MCOLN2: variants seen among roughly 807,000 people sequenced by gnomAD.
The protein encoded by MCOLN2 is mucolipin TRP cation channel 2, also known as mucolipin-2.
A neutral mutation model predicts 67.5 loss-of-function variants in MCOLN2; 57 were observed. The ratio of observed to expected loss-of-function variants is 0.84; its 90% CI spans 0.68 to 1.05. The LOEUF (loss-of-function observed/expected upper bound fraction) is 1.05, where lower values mean the gene tolerates loss of function less well. MCOLN2 is among the 50% of genes least tolerant of loss of function. MCOLN2 has a pLI of 0.00. For missense variants in MCOLN2, 620 were observed against 678.8 expected (o/e 0.91, Z 0.96); for synonymous variants, 246 against 233.3 (o/e 1.05, Z -0.50).
intron 7 of MCOLN2, among the ~76,000 whole-genome samples, chr1:84,942,602 G>C (rs190133603): frequency 6.6e-6 from 1 of 152,292 alleles, no homozygotes; most frequent in African/African-American, 2.4e-5. Context: ...CCCATCAAGT[G>C]ACAGGCTCTC....
At chr1:84,983,804 G>T (rs1381687961) in intron 1 of MCOLN2, among the ~76,000 whole-genome samples, 1 of 151,270 alleles carries the variant, frequency 6.6e-6, no homozygotes, top group Non-Finnish European at 1.5e-5. Context: ...AGCCTCCCGA[G>T]TAGCTGGGAT....
chr1:84,938,495 ACAG>A (rs1647565326), intron 9 of MCOLN2, among the ~76,000 whole-genome samples: 12 of 152,210 alleles, frequency 7.9e-5, no homozygotes, highest in Admixed American at 7.9e-4. Flanking sequence ...ATTTCCTAAC[ACAG>A]CTGCAGCTCT....
chr1:84,977,708 T>C (rs1424318567), intron 1 of MCOLN2, among the ~76,000 whole-genome samples: 2 of 152,168 alleles, frequency 1.3e-5, no homozygotes, highest in Non-Finnish European at 2.9e-5. Flanking sequence ...TAAATATATA[T>C]GTACCCAACA....
At chr1:84,930,076 A>G (rs751736895) in intron 12 of MCOLN2, among the ~76,000 whole-genome samples, 2 of 152,140 alleles carry the variant, frequency 1.3e-5, no homozygotes, top group Non-Finnish European at 2.9e-5. Context: ...TGGCCTGGGC[A>G]AGATGGTGAG....
intron 7 of MCOLN2, among the ~76,000 whole-genome samples, chr1:84,945,179 G>A (rs1209727782): frequency 6.6e-6 from 1 of 152,156 alleles, no homozygotes; most frequent in Admixed American, 6.5e-5. Context: ...AACCCCTAAC[G>A]TTGCAAGGAG....
intron 1 of MCOLN2, among the ~76,000 whole-genome samples, chr1:84,972,521 G>C (rs1649750128): frequency 6.6e-6 from 1 of 152,164 alleles, no homozygotes; most frequent in South Asian, 2.1e-4. Flanking sequence ...AATAGAAAAT[G>C]AAAGAAAAGA....
Position 84,940,955 on chromosome 1 carries a change from G to T in MCOLN2, c.884C>A (p.Ala295Glu). 1.2e-6 allele frequency: 2 copies of T among 1,613,530 alleles called. No individual in the cohort carries two copies. Among genetic ancestry groups the T allele is most frequent in the Non-Finnish European group, 1.7e-6 (2 of 1,179,634 alleles). The change falls in exon 8 of 14, where the codon GCA becomes GAA. Residue 295 changes from alanine (A) to glutamate (E), a missense_variant. Physicochemically the swap from Ala to Glu is moderately radical, Grantham distance 107 (BLOSUM62 -1). Transcript: ENST00000370608. ...KNAQYVLVFD[A>E]FVIVICLASL... The stretch of plus-strand genomic sequence containing the variant: ...TGCCAAGCAAATCACAATGACAAAT[G>T]CATCAAACACCAGGACATACTGAGC...
At position 84,939,648 on chromosome 1, in the gene MCOLN2, G is replaced by A; in HGVS notation, c.1015C>T (p.Gln339Ter). ...KYKRPVCDTD[Q>*]WEFINGWYVL... ...TACCAGCCGTTGATGAACTCCCACT[G>A]GTCGGTGTCACACACAGGCCGCTTG... The change falls in exon 9 of 14, where the codon CAG (glutamine) becomes TAG (stop). Residue 339 changes from glutamine to a stop codon, truncating the protein, a stop_gained. Coordinates refer to ENST00000370608, the MANE Select transcript of MCOLN2 (RefSeq NM_153259.4). LOFTEE classifies it high-confidence loss of function. The A allele has an allele frequency of 6.2e-7, 1 of 1,614,006 alleles. No homozygotes were observed.
chr1:84,988,723 T>C (rs1373486811), intron 1 of MCOLN2, among the ~76,000 whole-genome samples: 1 of 152,154 alleles, frequency 6.6e-6, no homozygotes, highest in Non-Finnish European at 1.5e-5. Context: ...AGATATCACT[T>C]CTTTGTTGAA....
intron 2 of MCOLN2, among the ~76,000 whole-genome samples, chr1:84,960,915 T>C (rs1649055203): frequency 6.6e-6 from 1 of 152,180 alleles, no homozygotes; most frequent in African/African-American, 2.4e-5. Flanking sequence ...GAATAACAAC[T>C]CTTATCTGTT....
intron 1 of MCOLN2, among the ~76,000 whole-genome samples, chr1:84,972,762 G>A (rs1017942679): frequency 2.6e-5 from 4 of 152,186 alleles, no homozygotes; most frequent in South Asian, 2.1e-4. Flanking sequence ...AGAGTCTAAC[G>A]GAAGCCTGAA....
Position 84,978,809 on chromosome 1 carries a change from T to C in MCOLN2, c.78-13101A>G, listed in dbSNP as rs535020039. Among the ~76,000 whole-genome samples the C allele has an allele frequency of 8.0e-4, 122 of 151,884 alleles. 3 individuals are homozygous for C. The highest frequency in any genetic ancestry group is 4.7e-4 in the Non-Finnish European group (32 of 67,954). Reference sequence around the variant, plus strand: ...ATGTATATGTGTATAAATATATATATACACACACACACATATACATATATA... The same window carrying C: ...ATGTATATGTGTATAAATATATATACACACACACACACATATACATATATA... On this transcript the variant is annotated intron_variant, in intron 1 of 13. Transcript: ENST00000370608.
At chr1:84,939,527 A>G (rs1647625487) in intron 9 of MCOLN2, 26 bp downstream of exon 9, 4 of 1,611,332 alleles carry the variant, frequency 2.5e-6, no homozygotes, top group Non-Finnish European at 3.4e-6. Context: ...GATGAAGAAC[A>G]GAGACTTTAA....
At chr1:84,934,064 G>A (rs950296442) in intron 11 of MCOLN2, among the ~76,000 whole-genome samples, 2 of 152,182 alleles carry the variant, frequency 1.3e-5, no homozygotes, top group African/African-American at 4.8e-5. Context: ...CAGTCTAGAA[G>A]GACCACATTT....
intron 4 of MCOLN2, among the ~76,000 whole-genome samples, chr1:84,953,274 A>G (rs534908): frequency 0.073 from 11,128 of 152,120 alleles, 1,397 homozygotes; most frequent in African/African-American, 0.25. Flanking sequence ...AGTATTGGCC[A>G]GGCACGGTGG....
intron 1 of MCOLN2, among the ~76,000 whole-genome samples, chr1:84,967,611 T>C (rs1649443426): frequency 6.6e-6 from 1 of 152,090 alleles, no homozygotes; most frequent in Non-Finnish European, 1.5e-5. Flanking sequence ...AAATCTCCTG[T>C]TTCTAGTATT....
chr1:84,931,612 A>G, intron 11 of MCOLN2, 44 bp from the exon 12 acceptor site: 4 of 1,497,386 alleles, frequency 2.7e-6, no homozygotes, highest in Non-Finnish European at 3.7e-6. Context: ...AGAGTATTCT[A>G]AAAAGCAGAG....
chr1:84,996,962 G>A lies in MCOLN2; in HGVS notation c.-90C>T, dbSNP rs1051682062. The A allele has an allele frequency of 4.2e-6, 5 of 1,190,332 alleles. No homozygotes were observed. The highest frequency in any genetic ancestry group is 4.9e-6 in the Non-Finnish European group (4 of 808,894). The allele number at this position is 1,190,332 out of a possible 1,614,324, so 73.7% of individuals were successfully genotyped here. ...ACTCATTTCGCCCTCGCCGTAACGC[G>A]TCCGCCGAAGTTGGAGCCCTGCAAA... is the stretch of plus-strand genomic sequence containing the variant. On this transcript the variant is annotated 5_prime_UTR_variant, in exon 1 of 14. In the 5' UTR this introduces an upstream ATG that the reference lacks. Coordinates refer to ENST00000370608, the MANE Select transcript of MCOLN2 (RefSeq NM_153259.4).
chr1:84,952,888 A>G (rs957196876), intron 4 of MCOLN2, among the ~76,000 whole-genome samples: 2 of 152,270 alleles, frequency 1.3e-5, no homozygotes, highest in African/African-American at 4.8e-5. Context: ...CGTGAGAGAC[A>G]TTCTACTCTT....
Sources: gnomAD v4.1 joint callset for allele counts (sites outside exome capture counted in the v4.1 genomes callset) on GRCh38, gnomAD v4.1.1 for gene constraint, MANE v1.5 for transcripts, NCBI Gene and HGNC (gene_info 2026-07-23, HGNC 2026-07-21) for gene names.